Variants in PPP3CC observed in about 807,000 individuals in gnomAD.
The protein encoded by PPP3CC is protein phosphatase 3 catalytic subunit gamma, also known as serine/threonine-protein phosphatase 2B catalytic subunit gamma isoform.
In PPP3CC, 35 loss-of-function variants were observed where a neutral mutation model predicts 60.3. The observed-to-expected ratio is 0.58, with a 90% CI of 0.44 to 0.77. The LOEUF (loss-of-function observed/expected upper bound fraction) is 0.77, where lower values mean the gene tolerates loss of function less well. Ranked by LOEUF, PPP3CC falls within the 30% of genes least tolerant of loss-of-function variation. The pLI is 0.00. For missense variants in PPP3CC, 570 were observed against 628.9 expected, an observed-to-expected ratio of 0.91 and a Z score of 1.00; for synonymous variants, 206 against 224.3, an observed-to-expected ratio of 0.92 and a Z score of 0.73.
intron 4 of PPP3CC, among the ~76,000 whole-genome samples, chr8:22,506,515 G>C (rs567211102): frequency 3.6e-4 from 55 of 152,326 alleles, no homozygotes; most frequent in Non-Finnish European, 4.4e-4. Flanking sequence ...GTTTTGGAAA[G>C]AGAAGAAACA....
chr8:22,534,035 C>A (rs771552718), intron 12 of PPP3CC, among the ~76,000 whole-genome samples: 4 of 151,468 alleles, frequency 2.6e-5, no homozygotes, highest in African/African-American at 7.3e-5. Context: ...CCCACCTCTA[C>A]TAAAAATACA....
In PPP3CC at chr8:22,524,478, T is replaced by C. The variant is rs542043054; in HGVS notation, c.943+1729T>C. The stretch of plus-strand genomic sequence containing the variant: ...ACTTAGCATTCTTCTCTGAGCCTTA[T>C]CTGTCCTACAATGCTCTGCTTCTCC... On this transcript the variant is annotated intron_variant, in intron 8 of 13. Transcript: ENST00000240139. 1.3e-4 allele frequency among the ~76,000 whole-genome samples: 20 copies of C among 152,360 alleles called. No individual in the cohort carries two copies. The South Asian group carries it at 4.1e-3, about 32-fold the overall frequency.
chr8:22,522,864 A>G (rs1265645744), intron 8 of PPP3CC, 115 bp downstream of exon 8: 3 of 768,834 alleles, frequency 3.9e-6, no homozygotes, highest in Non-Finnish European at 6.0e-6. Context: ...TTAAATAAGA[A>G]AAAAAGGGGT....
intron 1 of PPP3CC, among the ~76,000 whole-genome samples, chr8:22,447,567 C>G (rs893846038): frequency 6.6e-6 from 1 of 152,060 alleles, no homozygotes; most frequent in Non-Finnish European, 1.5e-5. Context: ...ATCCTCTTGC[C>G]TTTGTCTCCC....
chr8:22,441,592 G>T, intron 1 of PPP3CC, 134 bp downstream of exon 1: 1 of 994,304 alleles, frequency 1.0e-6, no homozygotes, highest in Non-Finnish European at 1.3e-6. Flanking sequence ...AGACAGAGCC[G>T]GGCGGCAGCC....
intron 8 of PPP3CC, among the ~76,000 whole-genome samples, chr8:22,526,980 G>C (rs1338050304): frequency 6.6e-6 from 1 of 152,084 alleles, no homozygotes; most frequent in South Asian, 2.1e-4. Context: ...TTTGACTCTG[G>C]CTAATGACTA....
chr8:22,468,271 C>G (rs1837609272), intron 1 of PPP3CC, among the ~76,000 whole-genome samples: 1 of 151,912 alleles, frequency 6.6e-6, no homozygotes, highest in Admixed American at 6.6e-5. Context: ...GCCCAGCTAA[C>G]TTTTGTATTT....
chr8:22,441,951 A>G (rs1325956067), intron 1 of PPP3CC, among the ~76,000 whole-genome samples: 3 of 152,172 alleles, frequency 2.0e-5, no homozygotes, highest in African/African-American at 7.2e-5. Context: ...CTTAGTATGA[A>G]CAAGTCAGAT....
At chr8:22,505,057 C>T (rs559827375) in intron 4 of PPP3CC, among the ~76,000 whole-genome samples, 6 of 128,050 alleles carry the variant, frequency 4.7e-5, no homozygotes, top group African/African-American at 5.9e-5. Context: ...TAGGGAGTCT[C>T]GCTTCGTCAC....
At chr8:22,445,750 T>C (rs1836801563) in intron 1 of PPP3CC, among the ~76,000 whole-genome samples, 1 of 152,200 alleles carries the variant, frequency 6.6e-6, no homozygotes, top group South Asian at 2.1e-4. Flanking sequence ...CAAGTATAAA[T>C]TTTCAATGTG....
chr8:22,530,250 C>T (rs906899101), intron 10 of PPP3CC, among the ~76,000 whole-genome samples: 3 of 152,008 alleles, frequency 2.0e-5, no homozygotes, highest in African/African-American at 4.8e-5. Context: ...AAAAGAAAAA[C>T]CGAATATCCC....
chr8:22,441,401 G>T lies in PPP3CC; in HGVS notation c.-9G>T. The T allele has an allele frequency of 6.5e-7, 1 of 1,540,238 alleles. No homozygotes were observed. Among genetic ancestry groups the T allele is most frequent in the Non-Finnish European group, 8.7e-7 (1 of 1,143,796 alleles). On this transcript the variant is annotated 5_prime_UTR_variant, in exon 1 of 14. Transcript: ENST00000240139. The stretch of plus-strand genomic sequence containing the variant: ...GGGCTCCTGGAGCCTGGAGGAGGCC[G>T]AGGGGACCATGTCCGGGAGGCGCTT...
At chr8:22,493,717 T>A (rs1838477157) in intron 3 of PPP3CC, among the ~76,000 whole-genome samples, 1 of 152,168 alleles carries the variant, frequency 6.6e-6, no homozygotes. Flanking sequence ...TCATGTCGTA[T>A]AACAGTGCCT....
At chr8:22,475,244 G>A in intron 2 of PPP3CC, 93 bp downstream of exon 2, 3 of 1,240,776 alleles carry the variant, frequency 2.4e-6, no homozygotes, top group Non-Finnish European at 3.4e-6. Flanking sequence ...AAAAAGTGGT[G>A]TGGTAATTTT....
intron 8 of PPP3CC, among the ~76,000 whole-genome samples, chr8:22,525,522 CTT>C (rs1203626036): frequency 6.6e-4 from 62 of 93,882 alleles, no homozygotes; most frequent in African/African-American, 2.6e-3. Flanking sequence ...TTCTTTCTTT[CTT>C]TCTTTCTTTC....
At chr8:22,515,472 CT>C (rs1420018773) in intron 6 of PPP3CC, among the ~76,000 whole-genome samples, 4 of 152,184 alleles carry the variant, frequency 2.6e-5, no homozygotes, top group Non-Finnish European at 5.9e-5. Flanking sequence ...GATTTCCTTT[CT>C]TTTATATACA....
chr8:22,459,367 G>T (rs2132443920), intron 1 of PPP3CC, among the ~76,000 whole-genome samples: 1 of 152,208 alleles, frequency 6.6e-6, no homozygotes, highest in South Asian at 2.1e-4. Context: ...AATATTTGAA[G>T]TCCTGAAGTT....
chr8:22,496,483 A>G (rs1256994129), intron 3 of PPP3CC, among the ~76,000 whole-genome samples: 2 of 77,056 alleles, frequency 2.6e-5, no homozygotes, highest in Non-Finnish European at 5.2e-5. Context: ...GAGAACTGTA[A>G]TCTTTTTTTT....
intron 6 of PPP3CC, 140 bp downstream of exon 6, chr8:22,513,572 CTTGT>C (rs913390786): frequency 4.4e-5 from 43 of 974,952 alleles, no homozygotes; most frequent in Non-Finnish European, 5.7e-5. Context: ...AGGCAAGAAA[CTTGT>C]TTGTTTGTTG....
Sources: allele counts gnomAD v4.1 joint callset (sites outside exome capture counted in the v4.1 genomes callset), GRCh38; gene constraint gnomAD v4.1.1; transcripts MANE v1.5; gene names NCBI Gene and HGNC (gene_info 2026-07-23, HGNC 2026-07-21).